Variants in STARD13 observed in about 807,000 individuals in gnomAD.
STARD13 encodes the protein StAR related lipid transfer domain containing 13.
A neutral mutation model predicts 106.4 loss-of-function variants in STARD13; 62 were observed. That is an observed-to-expected ratio of 0.58 (90% CI 0.48 to 0.72). The LOEUF (loss-of-function observed/expected upper bound fraction) is 0.72, where lower values mean the gene tolerates loss of function less well. Ranked by LOEUF, STARD13 falls within the 30% of genes least tolerant of loss-of-function variation. The pLI is 0.00. For synonymous variants in STARD13, 565 were observed against 553.0 expected (o/e 1.02, Z -0.31); for missense variants, 1,387 against 1,424.0 (o/e 0.97, Z 0.42).
chr13:33,544,961 A>G, the STARD13 span, among the ~76,000 whole-genome samples: 2 of 149,254 alleles, frequency 1.3e-5, no homozygotes, highest in Non-Finnish European at 3.0e-5. Context: ...TTATTTATTT[A>G]TTTATTTATT....
chr13:33,379,939 T>C, the STARD13 span, among the ~76,000 whole-genome samples: 1 of 152,210 alleles, frequency 6.6e-6, no homozygotes, highest in African/African-American at 2.4e-5. Context: ...GAAAAATGAA[T>C]ATGATAAGGT....
the STARD13 span, among the ~76,000 whole-genome samples, chr13:33,669,942 T>C: frequency 3.3e-5 from 5 of 152,234 alleles, no homozygotes; most frequent in Admixed American, 2.0e-4. Flanking sequence ...CTTGTGCAGA[T>C]TTGAAGATTG....
At chr13:33,551,726 G>A in the STARD13 span, among the ~76,000 whole-genome samples, 1 of 151,350 alleles carries the variant, frequency 6.6e-6, no homozygotes, top group East Asian at 1.9e-4. Context: ...ATCCTCCTAA[G>A]TAGCTGGGAT....
At chr13:33,160,236 G>A (rs1882460742) in intron 3 of STARD13, among the ~76,000 whole-genome samples, 1 of 151,990 alleles carries the variant, frequency 6.6e-6, no homozygotes, top group Non-Finnish European at 1.5e-5. Context: ...TGAAATGATT[G>A]GACATTGATA....
chr13:33,430,483 T>A, the STARD13 span, among the ~76,000 whole-genome samples: 1 of 152,162 alleles, frequency 6.6e-6, no homozygotes, highest in Non-Finnish European at 1.5e-5. Flanking sequence ...TTGGTGGAAA[T>A]GTAATTTAGT....
chr13:33,628,335 G>T, the STARD13 span, among the ~76,000 whole-genome samples: 2 of 152,024 alleles, frequency 1.3e-5, no homozygotes, highest in African/African-American at 4.8e-5. Flanking sequence ...AACAAGCCTG[G>T]TCACTTTTCA....
intron 1 of STARD13, among the ~76,000 whole-genome samples, chr13:33,178,988 G>A (rs920918048): frequency 2.0e-5 from 3 of 152,088 alleles, no homozygotes; most frequent in African/African-American, 4.8e-5. Flanking sequence ...ACTCTTTAAG[G>A]CAAGACTACT....
chr13:33,549,221 A>G, the STARD13 span, among the ~76,000 whole-genome samples: 2 of 152,228 alleles, frequency 1.3e-5, no homozygotes, highest in East Asian at 1.9e-4. Flanking sequence ...ATGTGTTGCT[A>G]TAGCTATACA....
intron 1 of STARD13, among the ~76,000 whole-genome samples, chr13:33,200,962 C>T (rs1228011761): frequency 6.6e-6 from 1 of 151,784 alleles, no homozygotes; most frequent in African/African-American, 2.4e-5. Context: ...GGAGGCGGAG[C>T]TTGCAGTGAG....
chr13:33,330,877 G>C (rs930998648), intron 1 of STARD13, among the ~76,000 whole-genome samples: 1 of 152,164 alleles, frequency 6.6e-6, no homozygotes, highest in African/African-American at 2.4e-5. Context: ...TTCTTTAAAA[G>C]CCATGGAGGA....
At chr13:33,219,418 A>T (rs1309488550) in intron 1 of STARD13, among the ~76,000 whole-genome samples, 1 of 150,908 alleles carries the variant, frequency 6.6e-6, no homozygotes, top group Admixed American at 6.6e-5. Flanking sequence ...TGCAAAATGA[A>T]ACAAGTATAA....
intron 1 of STARD13, among the ~76,000 whole-genome samples, chr13:33,178,845 A>G (rs767361518): frequency 1.3e-5 from 2 of 152,240 alleles, no homozygotes; most frequent in Non-Finnish European, 2.9e-5. Context: ...TAGACCAAAT[A>G]AAGAAAATCT....
intron 1 of STARD13, among the ~76,000 whole-genome samples, chr13:33,245,333 C>A (rs1889769107): frequency 6.6e-6 from 1 of 152,168 alleles, no homozygotes; most frequent in African/African-American, 2.4e-5. Flanking sequence ...AGACAGAACA[C>A]AATCTTCATC....
chr13:33,577,137 A>G, the STARD13 span, among the ~76,000 whole-genome samples: 1 of 152,210 alleles, frequency 6.6e-6, no homozygotes, highest in Non-Finnish European at 1.5e-5. Context: ...GCAGAAACTT[A>G]TTCTTGATTG....
At position 33,110,541 on chromosome 13, in the gene STARD13, A is replaced by G. The variant is rs1874381229; in HGVS notation, c.2829+145T>C. 3 of 685,338 alleles carry G rather than the reference A, an allele frequency of 4.4e-6. No individual in the cohort carries two copies. In the South Asian group the frequency reaches 5.4e-5, roughly 12 times the overall value. The allele number at this position is 685,338 out of a possible 1,614,324, so 42.5% of individuals were successfully genotyped here. A position where few individuals can be genotyped will look rare whatever the true frequency, so the allele number is the denominator to read the frequency against. On this transcript the variant is annotated intron_variant, in intron 11 of 13. Coordinates refer to ENST00000336934, the MANE Select transcript of STARD13 (RefSeq NM_178006.4). ...TTATAGGCAACAGATCTCTGGACTG[A>G]GTTCTTTGAATGGTTCATGTGCCTT...
chr13:33,272,672 T>A (rs894024638), intron 1 of STARD13: 1 of 152,098 alleles, frequency 6.6e-6, no homozygotes, highest in Non-Finnish European at 1.5e-5. Flanking sequence ...GAAGGAAAGG[T>A]GACTGACAGC....
At chr13:33,393,415 G>A in the STARD13 span, among the ~76,000 whole-genome samples, 5 of 152,152 alleles carry the variant, frequency 3.3e-5, no homozygotes, top group Admixed American at 1.3e-4. Flanking sequence ...AGTGGGCTGC[G>A]TATGGGTTAT....
chr13:33,445,976 G>A, the STARD13 span, among the ~76,000 whole-genome samples: 1 of 151,950 alleles, frequency 6.6e-6, no homozygotes, highest in Non-Finnish European at 1.5e-5. Flanking sequence ...CCAAACTATA[G>A]CACTCCTCAT....
chr13:33,587,753 G>A, the STARD13 span, among the ~76,000 whole-genome samples: 4 of 152,194 alleles, frequency 2.6e-5, no homozygotes, highest in African/African-American at 9.6e-5. Context: ...CAACAAGGTA[G>A]TCTTCAGCCA....
Sources: gnomAD v4.1 joint callset for allele counts (sites outside exome capture counted in the v4.1 genomes callset) on GRCh38, gnomAD v4.1.1 for gene constraint, MANE v1.5 for transcripts, NCBI Gene and HGNC (gene_info 2026-07-23, HGNC 2026-07-21) for gene names.